Variants in PTPRN2 observed in about 807,000 individuals in gnomAD.
The protein encoded by PTPRN2 is protein tyrosine phosphatase receptor type N2.
A neutral mutation model predicts 118.8 loss-of-function variants in PTPRN2; 74 were observed. The observed-to-expected ratio is 0.62, with a 90% CI of 0.52 to 0.76. The LOEUF is 0.76. Among genes scored for constraint, PTPRN2 ranks in the 30% least tolerant of loss-of-function variants. PTPRN2 has a pLI of 0.00. For synonymous variants in PTPRN2, 641 were observed against 608.0 expected (o/e 1.05, Z -0.80); for missense variants, 1,481 against 1,394.4 (o/e 1.06, Z -0.99).
In PTPRN2 at chr7:157,603,908, G is replaced by T. The variant is rs983258326; in HGVS notation, c.2418+94C>A. ...CCGCAGAGACGCTGAGCTGGGTGGG[G>T]ACGTGATTTCCCCCGAGAACCTTCC... is the stretch of plus-strand genomic sequence containing the variant. On this transcript the variant is annotated intron_variant, in intron 16 of 22. Coordinates refer to ENST00000389418, the MANE Select transcript of PTPRN2 (RefSeq NM_002847.5). This position sits in a 1 kb window ranked among gnomAD's most constrained non-coding sequence, Gnocchi z 5.4. 19 of 1,198,158 alleles carry T rather than the reference G, an allele frequency of 1.6e-5. No homozygotes were observed. Among genetic ancestry groups the T allele is most frequent in the Non-Finnish European group, 1.9e-5 (16 of 827,260 alleles). 74.2% of individuals were successfully genotyped at this position (1,198,158 alleles called of 1,614,324 possible). A position where few individuals can be genotyped will look rare whatever the true frequency, so the allele number is the denominator to read the frequency against.
At chr7:158,581,501 CA>C (rs1207381683) in intron 1 of PTPRN2, among the ~76,000 whole-genome samples, 2 of 151,688 alleles carry the variant, frequency 1.3e-5, no homozygotes, top group East Asian at 1.9e-4. Flanking sequence ...CACAGTACAC[CA>C]AAAAAGAAAA....
At chr7:158,112,785 G>A (rs1563451755) in intron 9 of PTPRN2, among the ~76,000 whole-genome samples, 2 of 151,878 alleles carry the variant, frequency 1.3e-5, no homozygotes, top group South Asian at 2.1e-4. Context: ...AGAGGTCAGA[G>A]GCCCCAGCAG....
At chr7:157,695,785 T>A (rs1051745796) in intron 12 of PTPRN2, among the ~76,000 whole-genome samples, 2 of 152,216 alleles carry the variant, frequency 1.3e-5, no homozygotes, top group Admixed American at 1.3e-4. Flanking sequence ...AGAAGGTAAG[T>A]CCATTGCAAC....
intron 2 of PTPRN2, among the ~76,000 whole-genome samples, chr7:158,350,695 C>T (rs909221007): frequency 2.0e-5 from 3 of 152,104 alleles, no homozygotes; most frequent in Non-Finnish European, 4.4e-5. Flanking sequence ...TGCCTCCTGC[C>T]GGCCACTGGA....
At chr7:158,410,033 C>T (rs1813910439) in intron 2 of PTPRN2, among the ~76,000 whole-genome samples, 1 of 152,240 alleles carries the variant, frequency 6.6e-6, no homozygotes, top group African/African-American at 2.4e-5. Flanking sequence ...GAGGCGTCCC[C>T]GCAGATTCAG....
chr7:158,048,203 A>G (rs532768670), intron 11 of PTPRN2, among the ~76,000 whole-genome samples: 1 of 152,168 alleles, frequency 6.6e-6, no homozygotes, highest in South Asian at 2.1e-4. Flanking sequence ...TTTCATCATA[A>G]AATATTGGGG....
In PTPRN2 at chr7:157,763,218, T is replaced by G. The variant is rs1259980292; in HGVS notation, c.1789-80281A>C. 6.6e-6 allele frequency among the ~76,000 whole-genome samples: 1 copy of G among 152,206 alleles called. No individual in the cohort carries two copies. The highest frequency in any genetic ancestry group is 2.4e-5 in the African/African-American group (1 of 41,462). ...GGCCACAGTGGGAAGGAGAGGGAGA[T>G]GCCCTGAGGTGTCCAGTCCAACTCA... On this transcript the variant is annotated intron_variant, in intron 12 of 22. Transcript: ENST00000389418. The surrounding 1 kb of genome is among the most constrained non-coding windows in gnomAD (Gnocchi z 4.9).
At chr7:158,580,206 G>A (rs1193252161) in intron 1 of PTPRN2, among the ~76,000 whole-genome samples, 2 of 152,254 alleles carry the variant, frequency 1.3e-5, no homozygotes, top group African/African-American at 4.8e-5. Context: ...TGTACACATT[G>A]TGGGGTCAGC....
At chr7:158,537,275 G>A (rs140741045) in intron 1 of PTPRN2, among the ~76,000 whole-genome samples, 2 of 152,322 alleles carry the variant, frequency 1.3e-5, no homozygotes, top group East Asian at 3.9e-4. Flanking sequence ...GCCAAATTAG[G>A]ATAACTGGAG....
rs574723745 is a variant in PTPRN2 at position 157,675,367 on chromosome 7, C to T, written c.2001+7358G>A. Among the ~76,000 whole-genome samples the T allele has an allele frequency of 2.0e-5, 3 of 152,292 alleles. No individual in the cohort carries two copies. The South Asian group carries it at 6.2e-4, about 32-fold the overall frequency. ...GCCCGAGGCTGCACCTGCACCAAGA[C>T]CTGACCTTACCCCCCAGGGCCCCGG... On this transcript the variant is annotated intron_variant, in intron 13 of 22. Coordinates refer to ENST00000389418, the MANE Select transcript of PTPRN2 (RefSeq NM_002847.5).
At chr7:158,302,718 G>A (rs1461060876) in intron 3 of PTPRN2, among the ~76,000 whole-genome samples, 3 of 152,234 alleles carry the variant, frequency 2.0e-5, no homozygotes, top group African/African-American at 7.2e-5. Context: ...AGGCCACCCT[G>A]TTGTCTCTCC....
intron 11 of PTPRN2, among the ~76,000 whole-genome samples, chr7:157,971,124 A>G (rs964477446): frequency 6.6e-6 from 1 of 152,216 alleles, no homozygotes; most frequent in African/African-American, 2.4e-5. Context: ...GAGTTCTTCA[A>G]GAAAAGAGCT....
intron 1 of PTPRN2, among the ~76,000 whole-genome samples, chr7:158,524,085 A>G (rs868788204): frequency 9.2e-4 from 43 of 46,946 alleles, no homozygotes; most frequent in South Asian, 1.5e-3. Context: ...GGAGTCATCT[A>G]CCCTGGAGTG....
intron 1 of PTPRN2, among the ~76,000 whole-genome samples, chr7:158,545,721 A>G (rs529106577): frequency 6.6e-6 from 1 of 152,318 alleles, no homozygotes; most frequent in South Asian, 2.1e-4. Context: ...AAATCTTGCC[A>G]GGCCCAGTGG....
At chr7:158,402,186 C>T (rs1288382911) in intron 2 of PTPRN2, among the ~76,000 whole-genome samples, 1 of 152,136 alleles carries the variant, frequency 6.6e-6, no homozygotes, top group Admixed American at 6.5e-5. Flanking sequence ...TGGCTCACAA[C>T]AAGTCCACAT....
chr7:157,928,550 A>G (rs1357349987), intron 11 of PTPRN2, among the ~76,000 whole-genome samples: 2 of 151,932 alleles, frequency 1.3e-5, no homozygotes, highest in Non-Finnish European at 2.9e-5. Flanking sequence ...ACATTTGGTA[A>G]AAGAGATTGC....
At chr7:157,634,673 G>A (rs77273601) in intron 14 of PTPRN2, among the ~76,000 whole-genome samples, 3,771 of 152,132 alleles carry the variant, frequency 0.025, 148 homozygotes, top group African/African-American at 0.084. Flanking sequence ...CAGACCCCCC[G>A]GGCTCCAGTT....
intron 3 of PTPRN2, among the ~76,000 whole-genome samples, chr7:158,238,896 G>T (rs191903774): frequency 1.2e-4 from 18 of 152,214 alleles, no homozygotes; most frequent in Non-Finnish European, 2.2e-4. Flanking sequence ...GAGAGCAGAG[G>T]TGTGAAGGCC....
At chr7:158,499,720 A>G (rs4909234) in intron 1 of PTPRN2, among the ~76,000 whole-genome samples, 70,130 of 151,662 alleles carry the variant, frequency 0.46, 16,510 homozygotes, top group South Asian at 0.65. Context: ...TCAGTGAGCC[A>G]AGAATGTGCC....
Sources: gnomAD v4.1 joint callset for allele counts (sites outside exome capture counted in the v4.1 genomes callset) on GRCh38, gnomAD v4.1.1 for gene constraint, Gnocchi (gnomAD v3.1) non-coding constraint, MANE v1.5 for transcripts, NCBI Gene and HGNC (gene_info 2026-07-23, HGNC 2026-07-21) for gene names.